Variants in MMP16 observed in about 807,000 individuals in gnomAD.
MMP16 encodes matrix metalloproteinase-16.
In MMP16, 12 loss-of-function variants were observed where a neutral mutation model predicts 67.8. That is an observed-to-expected ratio of 0.18 (90% confidence interval 0.11 to 0.29). The LOEUF (loss-of-function observed/expected upper bound fraction) is 0.29. MMP16 is among the 10% of genes least tolerant of loss of function. The pLI is 1.00. For missense variants in MMP16, 475 were observed against 765.7 expected (o/e 0.62, Z 4.48); for synonymous variants, 249 against 255.9 (o/e 0.97, Z 0.26).
chr8:88,302,427 GT>G (rs1554593096), intron 1 of MMP16, among the ~76,000 whole-genome samples: 1 of 152,042 alleles, frequency 6.6e-6, no homozygotes, highest in Non-Finnish European at 1.5e-5. Flanking sequence ...TCTAATTTGC[GT>G]CCCTTGTTAT....
chr8:88,186,829 C>A (rs940725188), intron 2 of MMP16, among the ~76,000 whole-genome samples: 1 of 152,084 alleles, frequency 6.6e-6, no homozygotes, highest in East Asian at 1.9e-4. Flanking sequence ...CTATTCAGAT[C>A]CTTTAGATAA....
At chr8:88,135,262 AT>A (rs1423936328) in intron 4 of MMP16, among the ~76,000 whole-genome samples, 1 of 151,880 alleles carries the variant, frequency 6.6e-6, no homozygotes, top group African/African-American at 2.4e-5. Context: ...AAACTCAAAA[AT>A]ACAAATAGCT....
chr8:88,264,031 CACAT>C (rs750564995), intron 1 of MMP16, among the ~76,000 whole-genome samples: 8,152 of 40,274 alleles, frequency 0.2, 354 homozygotes, highest in Admixed American at 0.38. Context: ...ACAAAAATGG[CACAT>C]ATATATATAT....
chr8:88,067,860 T>C (rs1228427324), intron 7 of MMP16, among the ~76,000 whole-genome samples: 1 of 152,150 alleles, frequency 6.6e-6, no homozygotes, highest in East Asian at 1.9e-4. Context: ...TTATCACAAA[T>C]ATAGCTGCTT....
intron 3 of MMP16, among the ~76,000 whole-genome samples, chr8:88,169,558 A>G (rs955749198): frequency 1.3e-5 from 2 of 152,170 alleles, no homozygotes; most frequent in Non-Finnish European, 2.9e-5. Context: ...TCTAAGATAA[A>G]TTTTTCACTA....
intron 6 of MMP16, among the ~76,000 whole-genome samples, chr8:88,093,407 T>C (rs1353399527): frequency 6.6e-6 from 1 of 151,768 alleles, no homozygotes; most frequent in Admixed American, 6.6e-5. Context: ...AACCAGTCTT[T>C]TGTGATTTTT....
At chr8:88,105,854 A>G (rs1809228949) in intron 6 of MMP16, among the ~76,000 whole-genome samples, 1 of 151,128 alleles carries the variant, frequency 6.6e-6, no homozygotes, top group Non-Finnish European at 1.5e-5. Flanking sequence ...TTAAATGTTC[A>G]GTGAAAAATA....
chr8:88,051,833 G>A (rs1463769667), intron 8 of MMP16, among the ~76,000 whole-genome samples: 2 of 152,128 alleles, frequency 1.3e-5, no homozygotes, highest in African/African-American at 4.8e-5. Flanking sequence ...TTTGTGAGAT[G>A]TTGAGAGATG....
intron 6 of MMP16, among the ~76,000 whole-genome samples, chr8:88,097,625 C>CAAAAAAAAAAAAAAAAAAAAA (rs34488162): frequency 3.0e-5 from 2 of 67,482 alleles, no homozygotes; most frequent in African/African-American, 6.0e-5. Flanking sequence ...AACCCTGTCT[C>CAAAAAAAAAAAAAAAAAAAAA]AAAAAAAAAA....
At chr8:88,321,726 A>T (rs989262235) in intron 1 of MMP16, among the ~76,000 whole-genome samples, 2 of 152,180 alleles carry the variant, frequency 1.3e-5, no homozygotes, top group African/African-American at 4.8e-5. Flanking sequence ...TTGGCTACAT[A>T]AACTAAAGCT....
chr8:88,260,432 G>A (rs1207124463), intron 1 of MMP16, among the ~76,000 whole-genome samples: 3 of 150,576 alleles, frequency 2.0e-5, no homozygotes, highest in Non-Finnish European at 3.0e-5. Flanking sequence ...ATTTTTTTTC[G>A]GATTTCTGGA....
At chr8:88,290,549 T>C (rs935371755) in intron 1 of MMP16, among the ~76,000 whole-genome samples, 4 of 150,968 alleles carry the variant, frequency 2.6e-5, no homozygotes, top group African/African-American at 7.3e-5. Context: ...TGAGACTCCG[T>C]CTCAAAAAAA....
chr8:88,302,615 A>C (rs1453411242), intron 1 of MMP16, among the ~76,000 whole-genome samples: 1 of 152,210 alleles, frequency 6.6e-6, no homozygotes, highest in Non-Finnish European at 1.5e-5. Flanking sequence ...AAAAAGTAGG[A>C]AAATAGGTAT....
chr8:88,164,278 A>G (rs2129691573), intron 4 of MMP16, among the ~76,000 whole-genome samples: 1 of 152,224 alleles, frequency 6.6e-6, no homozygotes, highest in African/African-American at 2.4e-5. Context: ...CAGGTAAGTA[A>G]GCCAGGGGGC....
intron 6 of MMP16, among the ~76,000 whole-genome samples, chr8:88,106,296 T>A (rs1563533497): frequency 6.6e-6 from 1 of 151,240 alleles, no homozygotes; most frequent in Non-Finnish European, 1.5e-5. Flanking sequence ...TGGCATGGTT[T>A]AAAAATTGCT....
intron 5 of MMP16, among the ~76,000 whole-genome samples, chr8:88,118,224 CA>C (rs1809471866): frequency 1.3e-5 from 2 of 152,158 alleles, no homozygotes; most frequent in South Asian, 2.1e-4. Flanking sequence ...GCATCTATCA[CA>C]TAAGGGTATT....
rs140176005 is a variant in MMP16, at chr8:88,101,341, T to C, written c.1083+15166A>G. 7.0e-3 allele frequency among the ~76,000 whole-genome samples: 1,063 copies of C among 152,008 alleles called. 8 individuals are homozygous for C. Among genetic ancestry groups the C allele is most frequent in the Non-Finnish European group, 0.011 (727 of 67,884 alleles). ...ACATCAGAAACTACATTCCTCCACA[T>C]ACTAATTATAATGTTACATGAAAAA... is the stretch of plus-strand genomic sequence containing the variant. On this transcript the variant is annotated intron_variant, in intron 6 of 9. Coordinates refer to ENST00000286614, the MANE Select transcript of MMP16 (RefSeq NM_005941.5).
chr8:88,291,530 T>G (rs887322628), intron 1 of MMP16, among the ~76,000 whole-genome samples: 1 of 152,166 alleles, frequency 6.6e-6, no homozygotes, highest in Admixed American at 6.5e-5. Flanking sequence ...CATTGTTCAC[T>G]CTCTGCTTTC....
At chr8:88,317,218 A>G (rs893782050) in intron 1 of MMP16, among the ~76,000 whole-genome samples, 3 of 152,220 alleles carry the variant, frequency 2.0e-5, no homozygotes, top group Non-Finnish European at 4.4e-5. Context: ...ACTATCAAAC[A>G]GTATTGCATG....
Sources: gnomAD v4.1 joint callset for allele counts (sites outside exome capture counted in the v4.1 genomes callset) on GRCh38, gnomAD v4.1.1 for gene constraint, MANE v1.5 for transcripts, NCBI Gene and HGNC (gene_info 2026-07-23, HGNC 2026-07-21) for gene names.